Variants in USP50 observed in about 807,000 individuals in gnomAD.
USP50 encodes ubiquitin carboxyl-terminal hydrolase 50.
Under a neutral mutation model 39.2 loss-of-function variants are expected in USP50, and 37 were observed. That is an observed-to-expected ratio of 0.94 (90% CI 0.73 to 1.24). The LOEUF (loss-of-function observed/expected upper bound fraction) is 1.24, where lower values mean the gene tolerates loss of function less well. Ranked by LOEUF, USP50 falls within the 50% of genes most tolerant of loss-of-function variation. USP50 has a pLI of 0.00. For synonymous variants in USP50, 139 were observed against 144.5 expected, an observed-to-expected ratio of 0.96 and a Z score of 0.27; for missense variants, 374 against 398.2, an observed-to-expected ratio of 0.94 and a Z score of 0.52.
chr15:50,536,698 T>G (rs1325322858), intron 5 of USP50, among the ~76,000 whole-genome samples: 1 of 151,994 alleles, frequency 6.6e-6, no homozygotes, highest in African/African-American at 2.4e-5. Context: ...CCATTCACAT[T>G]AGCACCCTCA....
chr15:50,515,018 T>A (rs536742897), intron 6 of USP50, among the ~76,000 whole-genome samples: 16 of 145,784 alleles, frequency 1.1e-4, no homozygotes, highest in South Asian at 2.2e-4. Context: ...AAAAAAAGTA[T>A]TTTTTAAAAA....
At chr15:50,513,577 T>C (rs1250351639) in intron 6 of USP50, 1 of 146,686 alleles carries the variant, frequency 6.8e-6, no homozygotes, top group Non-Finnish European at 1.5e-5. Context: ...TTTAAAAATG[T>C]ACACTCAAGA....
intron 5 of USP50, among the ~76,000 whole-genome samples, chr15:50,530,818 A>C (rs1185031018): frequency 1.3e-5 from 2 of 152,144 alleles, no homozygotes; most frequent in Non-Finnish European, 2.9e-5. Flanking sequence ...CCCCATTGAT[A>C]ATTCCTGAGG....
intron 6 of USP50, among the ~76,000 whole-genome samples, chr15:50,517,373 G>A (rs2052811788): frequency 6.6e-6 from 1 of 151,998 alleles, no homozygotes; most frequent in Admixed American, 6.6e-5. Context: ...TTGGGAGGCT[G>A]AGGCAGGAGA....
At chr15:50,529,208 T>C (rs1242749025) in intron 6 of USP50, among the ~76,000 whole-genome samples, 1 of 152,012 alleles carries the variant, frequency 6.6e-6, no homozygotes, top group Non-Finnish European at 1.5e-5. Flanking sequence ...TTCACGGTTA[T>C]TCAACATAAA....
chr15:50,509,718 TGTAATAGC>T (rs1265181804), intron 6 of USP50: 1 of 152,052 alleles, frequency 6.6e-6, no homozygotes, highest in Non-Finnish European at 1.5e-5. Context: ...TGAAAAAACA[TGTAATAGC>T]TACAGATCCT....
chr15:50,533,775 T>G (rs1450138461), intron 5 of USP50, among the ~76,000 whole-genome samples: 1 of 152,004 alleles, frequency 6.6e-6, no homozygotes, highest in Non-Finnish European at 1.5e-5. Context: ...CCAAGGCAGG[T>G]GGATCACTTG....
intron 3 of USP50, among the ~76,000 whole-genome samples, chr15:50,543,079 A>AG (rs1395556525): frequency 6.6e-6 from 1 of 152,168 alleles, no homozygotes; most frequent in Admixed American, 6.5e-5. Flanking sequence ...TGATGAACTC[A>AG]GGTTAGGTAT....
downstream of USP50, among the ~76,000 whole-genome samples, chr15:50,496,557 T>TAGAA (rs2052419531): frequency 6.6e-6 from 1 of 151,988 alleles, no homozygotes; most frequent in Admixed American, 6.6e-5. Context: ...CTATGTAGAT[T>TAGAA]AGAAAGAATT....
intron 6 of USP50, chr15:50,502,014 A>G (rs1263018599): frequency 1.3e-5 from 2 of 152,220 alleles, no homozygotes; most frequent in African/African-American, 4.8e-5. Context: ...CCAATACCAT[A>G]TGGCTTATGA....
chr15:50,502,368 A>C (rs373152064), intron 6 of USP50: 1 of 150,254 alleles, frequency 6.7e-6, no homozygotes, highest in Non-Finnish European at 1.5e-5. Flanking sequence ...CGGCCTCCCA[A>C]AGTTATTTAT....
At chr15:50,528,726 A>G (rs2052917794) in intron 6 of USP50, among the ~76,000 whole-genome samples, 1 of 152,216 alleles carries the variant, frequency 6.6e-6, no homozygotes, top group African/African-American at 2.4e-5. Flanking sequence ...TACAGAACTG[A>G]TAATTTTGTT....
rs369225606 is a variant in USP50 at position 50,541,274 on chromosome 15, G to A, written c.445-10C>T. 520 of 1,605,474 alleles carry A rather than the reference G, an allele frequency of 3.2e-4. 6 individuals carry two copies. Among genetic ancestry groups the A allele is most frequent in the South Asian group, 2.7e-3 (246 of 90,698 alleles). ...TCCGGGAGTAGTGGTACTGAATCAA[G>A]GAGCAAATTTCACCCAAATTAATTA... On this transcript the variant is annotated splice_polypyrimidine_tract_variant and intron_variant, in intron 3 of 6. Coordinates refer to ENST00000532404, the MANE Select transcript of USP50 (RefSeq NM_203494.5).
chr15:50,536,954 T>G (rs2052984728), intron 5 of USP50, among the ~76,000 whole-genome samples: 1 of 152,058 alleles, frequency 6.6e-6, no homozygotes, highest in Non-Finnish European at 1.5e-5. Flanking sequence ...GATTCTAAAG[T>G]TTATGGGGTG....
intron 6 of USP50, chr15:50,507,418 G>C (rs1321413980): frequency 6.6e-6 from 1 of 152,232 alleles, no homozygotes; most frequent in Non-Finnish European, 1.5e-5. Context: ...TGGATTTTCA[G>C]ATTAGGGATG....
At chr15:50,515,430 C>CG (rs780635009) in intron 6 of USP50, among the ~76,000 whole-genome samples, 3 of 151,812 alleles carry the variant, frequency 2.0e-5, no homozygotes, top group Non-Finnish European at 4.4e-5. Context: ...TTGGTAGAGA[C>CG]GGGGTTTCAC....
In USP50 at chr15:50,538,836, A is replaced by G. The variant is rs753016678; in HGVS notation, c.676T>C (p.Phe226Leu). Residue 226 changes from phenylalanine (F) to leucine (L), a missense_variant, in exon 5 of 7, where the codon TTT becomes CTT. Physicochemically the swap from Phe to Leu is conservative, Grantham distance 22. Coordinates refer to ENST00000532404, the MANE Select transcript of USP50 (RefSeq NM_203494.5). ...ECSLRDCLQC[F>L]FQQDALTWNN... ...CAGGTCAGTGCGTCTTGTTGAAAAA[A>G]ACATTGGAGACAGTCCTGTTAAGGA... 6.2e-7 allele frequency: 1 copy of G among 1,610,454 alleles called. No individual in the cohort carries two copies. Among genetic ancestry groups the G allele is most frequent in the South Asian group, 1.1e-5 (1 of 89,904 alleles).
At chr15:50,498,511 C>T, downstream of USP50, 1 of 1,444,432 alleles carries the variant, frequency 6.9e-7, no homozygotes, top group East Asian at 2.4e-5. Flanking sequence ...TTTTACAGTC[C>T]TGGCTAAAAA....
chr15:50,521,916 A>T (rs2052854176), intron 6 of USP50, among the ~76,000 whole-genome samples: 1 of 152,220 alleles, frequency 6.6e-6, no homozygotes, highest in Non-Finnish European at 1.5e-5. Context: ...GTGAGCCAAG[A>T]TCGTACCACT....
Sources: gnomAD v4.1 joint callset for allele counts (sites outside exome capture counted in the v4.1 genomes callset) on GRCh38, gnomAD v4.1.1 for gene constraint, MANE v1.5 for transcripts, NCBI Gene and HGNC (gene_info 2026-07-23, HGNC 2026-07-21) for gene names.